Variants in PLXNA4 observed in about 807,000 individuals in gnomAD.
PLXNA4 encodes plexin-A4.
A neutral mutation model predicts 191.8 loss-of-function variants in PLXNA4; 44 were observed. The ratio of observed to expected loss-of-function variants is 0.23; its 90% CI spans 0.18 to 0.29. PLXNA4 has a LOEUF of 0.29. Ranked by LOEUF, PLXNA4 falls within the 10% of genes least tolerant of loss-of-function variation. PLXNA4 has a pLI of 1.00. For missense variants in PLXNA4, 1,800 were observed against 2,488.8 expected, an observed-to-expected ratio of 0.72 and a Z score of 5.89; for synonymous variants, 1,082 against 1,009.5, an observed-to-expected ratio of 1.07 and a Z score of -1.36.
At chr7:132,329,337 C>A (rs12112600) in intron 3 of PLXNA4, among the ~76,000 whole-genome samples, 12 of 152,200 alleles carry the variant, frequency 7.9e-5, no homozygotes, top group African/African-American at 2.9e-4. Flanking sequence ...CGCCCTCTCC[C>A]TGTCTCTGGT....
intron 2 of PLXNA4, among the ~76,000 whole-genome samples, chr7:132,631,769 A>G (rs1181871255): frequency 1.3e-5 from 2 of 152,172 alleles, no homozygotes; most frequent in Admixed American, 6.5e-5. Context: ...TCTATGCTAC[A>G]TGTCCAAGCC....
chr7:132,412,572 T>C (rs1794503611), intron 3 of PLXNA4, among the ~76,000 whole-genome samples: 1 of 152,218 alleles, frequency 6.6e-6, no homozygotes, highest in Admixed American at 6.5e-5. Context: ...TAGAGGGCAA[T>C]TGCTTTTTAA....
At chr7:132,148,418 A>G (rs1046251826) in intron 26 of PLXNA4, 125 bp downstream of exon 26, 73 of 1,378,336 alleles carry the variant, frequency 5.3e-5, no homozygotes, top group Admixed American at 1.3e-4. Flanking sequence ...TTTCCTCTGG[A>G]TCACTAAGGG....
intron 1 of PLXNA4, among the ~76,000 whole-genome samples, chr7:132,562,983 C>CTCTCCCTCCTCCTCCTCTCCCTCCTCCT (rs1563175138): frequency 5.3e-5 from 3 of 56,508 alleles, no homozygotes; most frequent in Non-Finnish European, 1.0e-4. Flanking sequence ...CCTCCTCCTC[C>CTCTCCCTCCTCCTCCTCTCCCTCCTCCT]TTCTCCTCCT....
chr7:132,369,406 A>T (rs1040733982), intron 3 of PLXNA4, among the ~76,000 whole-genome samples: 1 of 152,168 alleles, frequency 6.6e-6, no homozygotes, highest in Non-Finnish European at 1.5e-5. Context: ...GCCTGGTGAG[A>T]ACAGAGGGAG....
At chr7:132,199,425 G>A (rs1456395695) in intron 12 of PLXNA4, among the ~76,000 whole-genome samples, 1 of 152,168 alleles carries the variant, frequency 6.6e-6, no homozygotes, top group East Asian at 1.9e-4. Flanking sequence ...AAAGTGTACT[G>A]GCTTTCCCTC....
intron 1 of PLXNA4, among the ~76,000 whole-genome samples, chr7:132,535,147 A>G (rs1444441117): frequency 6.6e-6 from 1 of 152,260 alleles, no homozygotes; most frequent in Admixed American, 6.5e-5. Flanking sequence ...TTATCAGACC[A>G]GAAATCAACC....
upstream of PLXNA4, among the ~76,000 whole-genome samples, chr7:132,579,702 G>C (rs919756739): frequency 1.3e-5 from 2 of 152,092 alleles, no homozygotes; most frequent in African/African-American, 2.4e-5. Flanking sequence ...GACCAGCCAC[G>C]GGCAGGTGAG....
At chr7:132,214,388 G>A (rs899334159) in intron 9 of PLXNA4, among the ~76,000 whole-genome samples, 1 of 152,344 alleles carries the variant, frequency 6.6e-6, no homozygotes, top group Middle Eastern at 3.4e-3. Context: ...AGCTCTGAGA[G>A]TAAGTTCATT....
At chr7:132,270,017 C>G (rs78594916) in intron 4 of PLXNA4, among the ~76,000 whole-genome samples, 1 of 152,142 alleles carries the variant, frequency 6.6e-6, no homozygotes, top group Non-Finnish European at 1.5e-5. Flanking sequence ...AGAATCCATT[C>G]GGTTCACCCT....
At chr7:132,521,366 G>A (rs1799175934) in intron 1 of PLXNA4, among the ~76,000 whole-genome samples, 1 of 152,008 alleles carries the variant, frequency 6.6e-6, no homozygotes, top group African/African-American at 2.4e-5. Flanking sequence ...AGTAACAAGT[G>A]TAATATATAG....
intron 1 of PLXNA4, among the ~76,000 whole-genome samples, chr7:132,549,409 T>C (rs1426085093): frequency 6.6e-6 from 1 of 152,170 alleles, no homozygotes; most frequent in African/African-American, 2.4e-5. Flanking sequence ...TGGTAGGAAC[T>C]GAACCACTTA....
In PLXNA4 at chr7:132,535,961, C is replaced by T. The variant is rs541035910; in HGVS notation, c.-86-27182G>A. Among the ~76,000 whole-genome samples, 4 of 152,290 alleles carry T rather than the reference C, an allele frequency of 2.6e-5. No individual in the cohort carries two copies. The South Asian group carries it at 8.3e-4, about 32-fold the overall frequency. On this transcript the variant is annotated intron_variant, in intron 1 of 31. Transcript: ENST00000321063. ...AGAGAGTAGATCATTTTAAAGGCTG[C>T]AGCCCAGACTCAAAGCCAGGCTCCA...
chr7:132,587,618 C>A (rs745502053), intron 2 of PLXNA4, among the ~76,000 whole-genome samples: 1 of 152,056 alleles, frequency 6.6e-6, no homozygotes, highest in African/African-American at 2.4e-5. Flanking sequence ...TAGGTGGAAC[C>A]GGAATGCTTT....
chr7:132,172,911 A>G lies in PLXNA4; in HGVS notation c.4017+1867T>C, dbSNP rs564226476. Among the ~76,000 whole-genome samples the G allele has an allele frequency of 7.9e-5, 12 of 152,318 alleles. No individual in the cohort carries two copies. In the South Asian group the frequency reaches 8.3e-4, roughly 11 times the overall value. ...TATTCTCCATCCCATCCACAGAGTA[A>G]TATGGGAATGTTCAGACATAATTTC... On this transcript the variant is annotated intron_variant, in intron 21 of 31. Coordinates refer to ENST00000321063, the MANE Select transcript of PLXNA4 (RefSeq NM_020911.2).
At chr7:132,454,543 G>A (rs181672137) in intron 3 of PLXNA4, among the ~76,000 whole-genome samples, 11 of 151,834 alleles carry the variant, frequency 7.2e-5, no homozygotes, top group South Asian at 4.2e-4. Context: ...GCTGAAGTGC[G>A]CCCCCCCAAC....
chr7:132,589,440 AT>A (rs1203122995), intron 2 of PLXNA4, among the ~76,000 whole-genome samples: 3 of 152,224 alleles, frequency 2.0e-5, no homozygotes, highest in Admixed American at 2.0e-4. Context: ...AAGATTTTAA[AT>A]TATAGAAAGT....
chr7:132,192,801 C>T (rs751396489), intron 14 of PLXNA4, among the ~76,000 whole-genome samples: 5 of 152,094 alleles, frequency 3.3e-5, no homozygotes, highest in Non-Finnish European at 7.3e-5. Context: ...TCCATAATCA[C>T]AAGGCTGAGA....
intron 1 of PLXNA4, among the ~76,000 whole-genome samples, chr7:132,551,571 T>C (rs538105167): frequency 6.6e-6 from 1 of 152,148 alleles, no homozygotes; most frequent in Non-Finnish European, 1.5e-5. Flanking sequence ...CCAGTCCCCA[T>C]ACACAATCAG....
Sources: allele counts gnomAD v4.1 joint callset (sites outside exome capture counted in the v4.1 genomes callset), GRCh38; gene constraint gnomAD v4.1.1; transcripts MANE v1.5; gene names NCBI Gene and HGNC (gene_info 2026-07-23, HGNC 2026-07-21).